C7: variants seen among roughly 807,000 people sequenced by gnomAD.
The protein encoded by C7 is complement C7.
In C7, 83 loss-of-function variants were observed where a neutral mutation model predicts 104.8. That is an observed-to-expected ratio of 0.79 (90% CI 0.66 to 0.95). The LOEUF is 0.95. Among genes scored for constraint, C7 ranks in the 40% least tolerant of loss-of-function variants. The pLI, the probability that C7 is intolerant of heterozygous loss-of-function variation, is 0.00. For synonymous variants in C7, 415 were observed against 360.6 expected (o/e 1.15, Z -1.71); for missense variants, 1,070 against 1,011.2 (o/e 1.06, Z -0.79).
intron 9 of C7, 39 bp downstream of exon 9, chr5:40,950,053 TTC>T: frequency 1.6e-6 from 2 of 1,220,072 alleles, no homozygotes; most frequent in South Asian, 2.8e-5. Context: ...CAAGCTTAAC[TTC>T]TTTTTTTTTT....
chr5:40,952,162 G>C (rs904195609), intron 9 of C7, among the ~76,000 whole-genome samples: 1 of 152,250 alleles, frequency 6.6e-6, no homozygotes, highest in Non-Finnish European at 1.5e-5. Context: ...GGCACCTACT[G>C]TGTGCCAGCA....
intron 17 of C7, 165 bp downstream of exon 17, chr5:40,980,074 G>A: frequency 2.1e-6 from 1 of 468,306 alleles, no homozygotes; most frequent in African/African-American, 2.0e-5. Flanking sequence ...CCCCTCACTG[G>A]AGAAGGGCAC....
chr5:40,910,728 G>A (rs765654359), intron 1 of C7, among the ~76,000 whole-genome samples: 7 of 149,908 alleles, frequency 4.7e-5, no homozygotes, highest in Non-Finnish European at 1.0e-4. Context: ...GGTACTCATG[G>A]GCATAAAGAT....
At chr5:40,933,051 C>A (rs3792642) in intron 3 of C7, among the ~76,000 whole-genome samples, 1 of 151,972 alleles carries the variant, frequency 6.6e-6, no homozygotes, top group Non-Finnish European at 1.5e-5. Flanking sequence ...CACACATGAG[C>A]GGTATCTTCA....
intron 1 of C7, among the ~76,000 whole-genome samples, chr5:40,915,447 A>C (rs1739298993): frequency 6.6e-6 from 1 of 152,212 alleles, no homozygotes; most frequent in Non-Finnish European, 1.5e-5. Context: ...ATATTATAAT[A>C]GATTGTTTTC....
chr5:40,957,193 A>C (rs1224245737), intron 10 of C7, among the ~76,000 whole-genome samples: 1 of 152,224 alleles, frequency 6.6e-6, no homozygotes, highest in African/African-American at 2.4e-5. Context: ...AAACTGGCAA[A>C]TGCTACAAAG....
At chr5:40,935,746 T>G (rs1739798481) in intron 4 of C7, among the ~76,000 whole-genome samples, 1 of 152,202 alleles carries the variant, frequency 6.6e-6, no homozygotes. Flanking sequence ...TACTCTCCAG[T>G]GCTTCCTTGG....
rs1337480257 is a variant in C7, at chr5:40,983,634, G to A, written c.*2061G>A. Among the ~76,000 whole-genome samples, 2 of 152,114 alleles carry A rather than the reference G, an allele frequency of 1.3e-5. No homozygotes were observed. Among genetic ancestry groups the A allele is most frequent in the Non-Finnish European group, 2.9e-5 (2 of 68,024 alleles). On this transcript the variant is annotated 3_prime_UTR_variant, in exon 18 of 18. Coordinates refer to ENST00000313164, the MANE Select transcript of C7 (RefSeq NM_000587.4). ...CCAACAGAGGCATTCACAATTGCCT[G>A]TGGAGAATTAGGATTGTCGCAGCAG... is the stretch of plus-strand genomic sequence containing the variant.
At chr5:40,937,821 G>A (rs1739849314) in intron 6 of C7, 131 bp downstream of exon 6, 4 of 788,776 alleles carry the variant, frequency 5.1e-6, no homozygotes, top group Non-Finnish European at 7.8e-6. Flanking sequence ...AATGTTTTAT[G>A]TTGACTTAAA....
chr5:40,978,873 ATTTT>A (rs372551834), intron 16 of C7, among the ~76,000 whole-genome samples: 40 of 80,082 alleles, frequency 5.0e-4, no homozygotes, highest in Middle Eastern at 8.1e-3. Context: ...TTTTATGGAA[ATTTT>A]TTTTTTTTTT....
Position 40,936,466 on chromosome 5 carries a change from A to G in C7, c.409A>G (p.Ile137Val). 4 of 1,613,218 alleles carry G rather than the reference A, an allele frequency of 2.5e-6. No individual in the cohort carries two copies. The highest frequency in any genetic ancestry group is 3.4e-6 in the Non-Finnish European group (4 of 1,179,444). Residue 137 changes from isoleucine to valine, a missense_variant, in exon 5 of 18, where the codon ATA becomes GTA. By Grantham distance (29) the Ile-to-Val change is conservative (BLOSUM62 3). Transcript: ENST00000313164. ...TGATATCGATAAACCTCCTCCTAAC[A>G]TAGAACTTACTGGAAATGGGTAAGG... ...SCDIDKPPPN[I>V]ELTGNGYNEL...
At chr5:40,972,207 A>G in intron 14 of C7, 196 bp from the exon 15 acceptor site, 2 of 605,342 alleles carry the variant, frequency 3.3e-6, no homozygotes, top group Non-Finnish European at 5.9e-6. Flanking sequence ...TTTGGTTTTT[A>G]GATATTCATG....
At chr5:40,962,304 T>A (rs1740438694) in intron 13 of C7, 132 bp downstream of exon 13, 7 of 514,244 alleles carry the variant, frequency 1.4e-5, no homozygotes, top group Non-Finnish European at 2.0e-5. Flanking sequence ...TTAGTTTTAG[T>A]GGTGAGGGTT....
At chr5:40,935,491 C>G (rs1374150011) in intron 4 of C7, among the ~76,000 whole-genome samples, 1 of 152,130 alleles carries the variant, frequency 6.6e-6, no homozygotes, top group Non-Finnish European at 1.5e-5. Context: ...GCATCAGAGC[C>G]TGTGAGGCAG....
At chr5:40,925,784 A>G (rs1739539055) in intron 1 of C7, among the ~76,000 whole-genome samples, 1 of 152,246 alleles carries the variant, frequency 6.6e-6, no homozygotes, top group Non-Finnish European at 1.5e-5. Flanking sequence ...AACTGGGAAC[A>G]GGCAGGTCAC....
Position 40,964,735 on chromosome 5 carries a change from G to A in C7, c.1750-6G>A. On this transcript the variant is annotated splice_polypyrimidine_tract_variant and splice_region_variant and intron_variant, in intron 13 of 17. Transcript: ENST00000313164. ...CTTTCCTTTTCCATCTTTTACTTTT[G>A]TTTAGGATGAAGGTACAATGTTTCC... The A allele has an allele frequency of 2.5e-6, 4 of 1,610,708 alleles. No homozygotes were observed. Among genetic ancestry groups the A allele is most frequent in the Non-Finnish European group, 3.4e-6 (4 of 1,178,114 alleles).
chr5:40,931,017 C>T (rs376444956), intron 2 of C7, 47 bp from the exon 3 acceptor site: 28 of 1,259,264 alleles, frequency 2.2e-5, no homozygotes, highest in Admixed American at 5.2e-5. Flanking sequence ...TGTTCCCTTG[C>T]GTATCTTTCC....
chr5:40,931,019 T>C lies in C7; in HGVS notation c.63-45T>C, dbSNP rs1291897859. 2.3e-6 allele frequency: 3 copies of C among 1,313,846 alleles called. No individual in the cohort carries two copies. In the South Asian group the frequency reaches 3.6e-5, roughly 16 times the overall value. The allele number at this position is 1,313,846 out of a possible 1,614,324, so 81.4% of individuals were successfully genotyped here. A position where few individuals can be genotyped will look rare whatever the true frequency, so the allele number is the denominator to read the frequency against. On this transcript the variant is annotated intron_variant, in intron 2 of 17. Transcript: ENST00000313164. The stretch of plus-strand genomic sequence containing the variant: ...TCACTATTCTTTGTGTTCCCTTGCG[T>C]ATCTTTCCACCTGCTTTATGATGGA...
chr5:40,955,646 A>G (rs1486522101), intron 10 of C7, 93 bp downstream of exon 10: 3 of 1,095,024 alleles, frequency 2.7e-6, no homozygotes, highest in African/African-American at 1.6e-5. Context: ...TTAAACAGAC[A>G]TGGCTGTAAT....
Sources: gnomAD v4.1 joint callset for allele counts (sites outside exome capture counted in the v4.1 genomes callset) on GRCh38, gnomAD v4.1.1 for gene constraint, MANE v1.5 for transcripts, NCBI Gene and HGNC (gene_info 2026-07-23, HGNC 2026-07-21) for gene names.